Variants in CCSER2 observed in about 807,000 individuals in gnomAD.
The protein encoded by CCSER2 is serine-rich coiled-coil domain-containing protein 2.
A neutral mutation model predicts 92.3 loss-of-function variants in CCSER2; 46 were observed. The observed-to-expected ratio is 0.50, with a 90% CI of 0.39 to 0.64. The LOEUF is 0.64. Among genes scored for constraint, CCSER2 ranks in the 30% least tolerant of loss-of-function variants. CCSER2 has a pLI of 0.00. For synonymous variants in CCSER2, 433 were observed against 431.4 expected, an observed-to-expected ratio of 1.00 and a Z score of -0.04; for missense variants, 1,244 against 1,238.9, an observed-to-expected ratio of 1.00 and a Z score of -0.06.
At chr10:84,431,551 G>T (rs1843763243) in intron 5 of CCSER2, among the ~76,000 whole-genome samples, 1 of 152,154 alleles carries the variant, frequency 6.6e-6, no homozygotes, top group South Asian at 2.1e-4. Context: ...GAACAGCCTG[G>T]GCACATATTG....
intron 5 of CCSER2, among the ~76,000 whole-genome samples, chr10:84,434,837 C>T (rs1413734412): frequency 6.6e-6 from 1 of 151,876 alleles, no homozygotes. Flanking sequence ...GGTAACTTGC[C>T]CTGTGTGTTG....
intron 3 of CCSER2, among the ~76,000 whole-genome samples, chr10:84,385,035 C>CA (rs1554838173): frequency 6.6e-4 from 79 of 119,690 alleles, no homozygotes; most frequent in African/African-American, 2.3e-3. Flanking sequence ...ACACACACAC[C>CA]CAGGAATACA....
At chr10:84,457,280 T>TATATATTATATATA (rs1554854284) in intron 6 of CCSER2, among the ~76,000 whole-genome samples, 3 of 18,278 alleles carry the variant, frequency 1.6e-4, no homozygotes, top group African/African-American at 6.6e-4. Context: ...TATAATATAT[T>TATATATTATATATA]ATATATTATA....
chr10:84,432,809 C>A (rs1843860795), intron 5 of CCSER2, among the ~76,000 whole-genome samples: 1 of 152,158 alleles, frequency 6.6e-6, no homozygotes, highest in African/African-American at 2.4e-5. Flanking sequence ...CCAAGGTCAC[C>A]TGGATTTTCT....
Position 84,514,933 on chromosome 10 carries a change from C to T in CCSER2, c.*666C>T, listed in dbSNP as rs1436146585. The T allele has an allele frequency of 1.3e-5, 2 of 152,620 alleles. No individual in the cohort carries two copies. Among genetic ancestry groups the T allele is most frequent in the African/African-American group, 4.8e-5 (2 of 41,436 alleles). 9.5% of individuals were successfully genotyped at this position (152,620 alleles called of 1,614,324 possible). A position where few individuals can be genotyped will look rare whatever the true frequency, so the allele number is the denominator to read the frequency against. On this transcript the variant is annotated 3_prime_UTR_variant, in exon 10 of 10. Transcript: ENST00000372088. ...TTACATATAAATCAGTTATATATTCCTTTACATCTTGTTTTACAAACACAT... is the reference window on the plus strand; with the variant it reads ...TTACATATAAATCAGTTATATATTCTTTTACATCTTGTTTTACAAACACAT...
intron 9 of CCSER2, among the ~76,000 whole-genome samples, chr10:84,504,918 C>T (rs984783963): frequency 6.6e-6 from 1 of 152,096 alleles, no homozygotes; most frequent in Admixed American, 6.5e-5. Flanking sequence ...TGTTCTACTT[C>T]CAGAGTCTGA....
intron 6 of CCSER2, among the ~76,000 whole-genome samples, chr10:84,461,623 G>C (rs1846106920): frequency 6.6e-6 from 1 of 150,388 alleles, no homozygotes; most frequent in Non-Finnish European, 1.5e-5. Context: ...ACTCTTTTCA[G>C]GTCTAAAATC....
chr10:84,370,502 T>G (rs990918333), intron 1 of CCSER2, among the ~76,000 whole-genome samples: 9 of 152,156 alleles, frequency 5.9e-5, no homozygotes, highest in African/African-American at 1.9e-4. Context: ...TTATCAAATC[T>G]TGGAATCTTT....
intron 9 of CCSER2, among the ~76,000 whole-genome samples, chr10:84,510,748 G>T (rs986354468): frequency 1.3e-5 from 2 of 152,182 alleles, no homozygotes; most frequent in Non-Finnish European, 2.9e-5. Flanking sequence ...TGCCTTGCTT[G>T]CTAGAGGTTA....
rs1849207443 is a variant in CCSER2, at chr10:84,508,903, AT to A, written c.2326-4545del. Among the ~76,000 whole-genome samples the A allele has an allele frequency of 5.3e-5, 8 of 152,370 alleles. No homozygotes were observed. The South Asian group carries it at 1.7e-3, about 32-fold the overall frequency. ...GACATACTATGTGCTAGGAAGTCCT[AT>A]GCTAAATGTTTTACATATGTTGTCA... On this transcript the variant is annotated intron_variant, in intron 9 of 9. Coordinates refer to ENST00000372088, the MANE Select transcript of CCSER2 (RefSeq NM_001284240.2).
intron 4 of CCSER2, among the ~76,000 whole-genome samples, chr10:84,419,891 A>G (rs1397188306): frequency 6.6e-6 from 1 of 152,236 alleles, no homozygotes; most frequent in East Asian, 1.9e-4. Context: ...TGAATTAGTG[A>G]CTTGAAAGAT....
chr10:84,347,820 G>C (rs1006429742), intron 1 of CCSER2, among the ~76,000 whole-genome samples: 11 of 152,124 alleles, frequency 7.2e-5, no homozygotes, highest in African/African-American at 2.6e-4. Flanking sequence ...AGACGGGGTC[G>C]TGGCTGGGCA....
chr10:84,382,728 G>A (rs1589500126), intron 3 of CCSER2, among the ~76,000 whole-genome samples: 2 of 152,210 alleles, frequency 1.3e-5, no homozygotes, highest in Admixed American at 1.3e-4. Context: ...GCCCAAAGAA[G>A]TGTTTGAATC....
intron 1 of CCSER2, among the ~76,000 whole-genome samples, chr10:84,360,797 T>C (rs1053280165): frequency 3.3e-5 from 5 of 152,364 alleles, no homozygotes; most frequent in Admixed American, 3.3e-4. Context: ...TCCAGAGATC[T>C]TGTTTTAATG....
intron 4 of CCSER2, among the ~76,000 whole-genome samples, chr10:84,423,863 A>C (rs1843279863): frequency 6.6e-6 from 1 of 151,862 alleles, no homozygotes; most frequent in Non-Finnish European, 1.5e-5. Context: ...TTAAATCTTG[A>C]AGCCTGGGCA....
At chr10:84,435,692 A>G (rs1334435465) in intron 5 of CCSER2, among the ~76,000 whole-genome samples, 2 of 152,028 alleles carry the variant, frequency 1.3e-5, no homozygotes, top group East Asian at 3.9e-4. Flanking sequence ...CAAAAAAACC[A>G]AAAACTCAGA....
At chr10:84,363,148 T>TATA (rs1229793605) in intron 1 of CCSER2, among the ~76,000 whole-genome samples, 6 of 94,016 alleles carry the variant, frequency 6.4e-5, no homozygotes, top group African/African-American at 5.6e-4. Flanking sequence ...CACCCAGCTA[T>TATA]TTTTTTTTTT....
chr10:84,400,446 C>T (rs972205141), intron 3 of CCSER2, among the ~76,000 whole-genome samples: 2 of 152,160 alleles, frequency 1.3e-5, no homozygotes, highest in Non-Finnish European at 2.9e-5. Flanking sequence ...GCTAGAAATA[C>T]AGATGTGAGC....
intron 9 of CCSER2, among the ~76,000 whole-genome samples, chr10:84,506,423 G>A (rs1029249268): frequency 2.0e-5 from 3 of 152,146 alleles, no homozygotes; most frequent in Admixed American, 1.3e-4. Context: ...TTTCTATACT[G>A]ATGTGCAGAG....
Sources: gnomAD v4.1 joint callset for allele counts (sites outside exome capture counted in the v4.1 genomes callset) on GRCh38, gnomAD v4.1.1 for gene constraint, MANE v1.5 for transcripts, NCBI Gene and HGNC (gene_info 2026-07-23, HGNC 2026-07-21) for gene names.